Variants in TXLNB observed in about 807,000 individuals in gnomAD.
TXLNB encodes beta-taxilin.
TXLNB carries 37 observed loss-of-function variants against 57.4 expected under a neutral mutation model. That is an observed-to-expected ratio of 0.64 (90% CI 0.50 to 0.85). TXLNB has a LOEUF of 0.85. TXLNB is among the 40% of genes least tolerant of loss of function. TXLNB has a pLI of 0.00. For missense variants in TXLNB, 848 were observed against 825.6 expected (o/e 1.03, Z -0.33); for synonymous variants, 302 against 309.6 (o/e 0.98, Z 0.26).
At chr6:139,229,605 G>A in the TXLNB span, among the ~76,000 whole-genome samples, 1 of 152,188 alleles carries the variant, frequency 6.6e-6, no homozygotes, top group Non-Finnish European at 1.5e-5. Context: ...TTACATGTGT[G>A]AGCCACCATG....
chr6:139,274,665 C>G (rs1776848753), intron 3 of TXLNB, among the ~76,000 whole-genome samples: 1 of 152,138 alleles, frequency 6.6e-6, no homozygotes, highest in Non-Finnish European at 1.5e-5. Flanking sequence ...AACCCTGGCT[C>G]ATGGAGAAAA....
At chr6:139,307,050 T>C in the TXLNB span, among the ~76,000 whole-genome samples, 3,795 of 152,314 alleles carry the variant, frequency 0.025, 155 homozygotes, top group African/African-American at 0.086. Flanking sequence ...ATGATTCTAC[T>C]ATTAGATGTT....
chr6:139,304,164 A>C, the TXLNB span, among the ~76,000 whole-genome samples: 1 of 152,222 alleles, frequency 6.6e-6, no homozygotes, highest in East Asian at 1.9e-4. Flanking sequence ...TTTGAAAAGA[A>C]GGTGAAGAAG....
At chr6:139,276,770 A>G in intron 3 of TXLNB, 60 bp downstream of exon 3, 2 of 1,306,638 alleles carry the variant, frequency 1.5e-6, no homozygotes, top group Admixed American at 4.0e-5. Flanking sequence ...TTGTTCCTTG[A>G]AGCTAGAGGC....
the TXLNB span, among the ~76,000 whole-genome samples, chr6:139,302,439 T>G: frequency 3.3e-5 from 5 of 152,066 alleles, no homozygotes; most frequent in African/African-American, 1.2e-4. Context: ...CTATAATATT[T>G]CTTCCAAAAT....
At chr6:139,262,420 A>G (rs1776506352) in intron 5 of TXLNB, among the ~76,000 whole-genome samples, 159 bp downstream of exon 5, 1 of 152,198 alleles carries the variant, frequency 6.6e-6, no homozygotes, top group Admixed American at 6.5e-5. Context: ...GGTATTTTGT[A>G]AGACCATCTG....
chr6:139,211,525 G>A, the TXLNB span, among the ~76,000 whole-genome samples: 1,306 of 152,158 alleles, frequency 8.6e-3, 36 homozygotes, highest in Admixed American at 0.046. Context: ...CCACAAAGAT[G>A]GGGAAAAAAC....
the TXLNB span, among the ~76,000 whole-genome samples, chr6:139,320,307 C>T: frequency 1.3e-5 from 2 of 152,166 alleles, no homozygotes; most frequent in Non-Finnish European, 2.9e-5. Flanking sequence ...ATTTTGAGCA[C>T]TAATCTATTC....
rs976407331 is a variant in TXLNB at position 139,260,300 on chromosome 6, G to A, written c.1002+18C>T. 13 of 1,613,430 alleles carry A rather than the reference G, an allele frequency of 8.1e-6. No homozygotes were observed. The highest frequency in any genetic ancestry group is 1.1e-5 in the South Asian group (1 of 90,950). ...CTGAGGTAGACCAGATATGCACAACGACTAAAATGATAAATACATATTCCT... is the reference window on the plus strand; with the variant it reads ...CTGAGGTAGACCAGATATGCACAACAACTAAAATGATAAATACATATTCCT... On this transcript the variant is annotated intron_variant, in intron 6 of 9. Coordinates refer to ENST00000358430, the MANE Select transcript of TXLNB (RefSeq NM_153235.4).
the TXLNB span, chr6:139,201,929 G>C: frequency 6.6e-6 from 1 of 152,226 alleles, no homozygotes; most frequent in Non-Finnish European, 1.5e-5. Flanking sequence ...CTTCCTACTC[G>C]TTACAACATT....
the TXLNB span, among the ~76,000 whole-genome samples, chr6:139,316,200 T>G: frequency 0.018 from 2,676 of 152,318 alleles, 72 homozygotes; most frequent in African/African-American, 0.059. Flanking sequence ...TGGCTAAGCT[T>G]TAGTCAGGGT....
At chr6:139,263,789 GATTA>G (rs1319480902) in intron 4 of TXLNB, among the ~76,000 whole-genome samples, 1 of 152,124 alleles carries the variant, frequency 6.6e-6, no homozygotes, top group Non-Finnish European at 1.5e-5. Context: ...TTTCAGTTCT[GATTA>G]ATTGTTAATA....
rs1289333312 is a variant in TXLNB at position 139,242,989 on chromosome 6, T to C, written c.1592A>G (p.Gln531Arg). 2 of 1,613,566 alleles carry C rather than the reference T, an allele frequency of 1.2e-6. No individual in the cohort carries two copies. Among genetic ancestry groups the C allele is most frequent in the East Asian group, 2.2e-5 (1 of 44,868 alleles). The change falls in exon 10 of 10, where the codon CAG (glutamine) becomes CGG (arginine). Residue 531 changes from glutamine (Q) to arginine (R), a missense_variant. Gln to Arg is a conservative substitution (Grantham distance 43, BLOSUM62 1). Coordinates refer to ENST00000358430, the MANE Select transcript of TXLNB (RefSeq NM_153235.4). Reference sequence around the variant, plus strand: ...CTTGAGAGCGGCGTCAGCACTCTCCTGAGAACTGCCTATTTCGGGTTGGGT... The same window carrying C: ...CTTGAGAGCGGCGTCAGCACTCTCCCGAGAACTGCCTATTTCGGGTTGGGT... ...KETQPEIGSSQESADAALKEP... is the reference protein window; with the variant it reads ...KETQPEIGSSRESADAALKEP...
chr6:139,237,149 G>A (rs1775844516), downstream of TXLNB, among the ~76,000 whole-genome samples: 1 of 151,976 alleles, frequency 6.6e-6, no homozygotes, highest in Non-Finnish European at 1.5e-5. Context: ...CTTATCTTAA[G>A]ATCTTACCCT....
At chr6:139,211,182 C>A in the TXLNB span, among the ~76,000 whole-genome samples, 1 of 152,214 alleles carries the variant, frequency 6.6e-6, no homozygotes, top group Non-Finnish European at 1.5e-5. Context: ...AGACTGCCTC[C>A]TCAAGTGGGT....
chr6:139,207,296 A>G, the TXLNB span, among the ~76,000 whole-genome samples: 25 of 152,328 alleles, frequency 1.6e-4, 1 homozygote, highest in African/African-American at 5.8e-4. Flanking sequence ...TCAGACCACA[A>G]TGGAATAAAA....
At chr6:139,319,357 C>T in the TXLNB span, among the ~76,000 whole-genome samples, 1 of 150,766 alleles carries the variant, frequency 6.6e-6, no homozygotes, top group Non-Finnish European at 1.5e-5. Flanking sequence ...GCTTTGGCCT[C>T]CTCAAGTTCT....
the TXLNB span, among the ~76,000 whole-genome samples, chr6:139,176,446 A>G: frequency 2.0e-5 from 3 of 152,222 alleles, no homozygotes; most frequent in Non-Finnish European, 4.4e-5. The surrounding 1 kb of genome is among the most constrained non-coding windows in gnomAD (Gnocchi z 4.5). Flanking sequence ...GAGGCTAGGC[A>G]TGAGTGAAGA....
At chr6:139,270,405 T>C (rs1776728066) in intron 4 of TXLNB, 51 bp downstream of exon 4, 1 of 1,546,758 alleles carries the variant, frequency 6.5e-7, no homozygotes, top group Non-Finnish European at 8.8e-7. Flanking sequence ...CAGAGGCCTG[T>C]CTCTGTGCCC....
Sources: allele counts gnomAD v4.1 joint callset (sites outside exome capture counted in the v4.1 genomes callset), GRCh38; gene constraint gnomAD v4.1.1; non-coding constraint Gnocchi (gnomAD v3.1); transcripts MANE v1.5; gene names NCBI Gene and HGNC (gene_info 2026-07-23, HGNC 2026-07-21).